The following COG5 variants were observed in gnomAD, a reference collection of about 807,000 sequenced individuals.
COG5 encodes conserved oligomeric Golgi complex subunit 5.
COG5 carries 86 observed loss-of-function variants against 110.4 expected under a neutral mutation model. The observed-to-expected ratio is 0.78, with a 90% CI of 0.65 to 0.93. The LOEUF is 0.93. Ranked by LOEUF, COG5 falls within the 40% of genes least tolerant of loss-of-function variation. The probability of loss-of-function intolerance (pLI) is 0.00; values close to 1 mark genes in which losing one functional copy is unlikely to be tolerated. For missense variants in COG5, 1,077 were observed against 987.0 expected (o/e 1.09, Z -1.22); for synonymous variants, 360 against 334.6 (o/e 1.08, Z -0.83).
chr7:107,352,802 T>A (rs1181009308), intron 10 of COG5, among the ~76,000 whole-genome samples: 1 of 152,176 alleles, frequency 6.6e-6, no homozygotes, highest in Non-Finnish European at 1.5e-5. Context: ...CCTATACACA[T>A]GATTACAAGA....
chr7:107,222,209 T>C (rs1584537670), intron 19 of COG5, among the ~76,000 whole-genome samples: 1 of 151,970 alleles, frequency 6.6e-6, no homozygotes. Context: ...CCCCCCCTTT[T>C]TTTTTTTTGA....
At chr7:107,265,703 A>G (rs1362131026) in intron 14 of COG5, among the ~76,000 whole-genome samples, 8 of 152,350 alleles carry the variant, frequency 5.3e-5, no homozygotes, top group East Asian at 1.9e-4. Context: ...ATGTAAAATT[A>G]TATGTTTAAA....
chr7:107,328,505 G>C (rs1188880553), intron 10 of COG5, among the ~76,000 whole-genome samples: 2 of 152,142 alleles, frequency 1.3e-5, no homozygotes, highest in Non-Finnish European at 2.9e-5. Flanking sequence ...TACACTAAGT[G>C]AAACAAGCCA....
chr7:107,455,240 C>T (rs1216567304), intron 6 of COG5, among the ~76,000 whole-genome samples: 4 of 151,984 alleles, frequency 2.6e-5, no homozygotes, highest in Non-Finnish European at 4.4e-5. Flanking sequence ...ACTAGAACAA[C>T]GTGTGAATGA....
rs145300007 is a variant in COG5 at position 107,382,628 on chromosome 7, G to A, written c.670-9868C>T. On this transcript the variant is annotated intron_variant, in intron 7 of 21. Transcript: ENST00000297135. ...AATTTTTTGCATTTTTAGTAAAGAC[G>A]GGGTTTCACCATGTTGGCCAGGCTT... 7.4e-4 allele frequency among the ~76,000 whole-genome samples: 112 copies of A among 152,062 alleles called. 1 individual carries two copies. Among genetic ancestry groups the A allele is most frequent in the Admixed American group, 5.0e-3 (77 of 15,266 alleles).
intron 19 of COG5, among the ~76,000 whole-genome samples, chr7:107,223,023 G>A (rs989366528): frequency 9.2e-5 from 14 of 152,270 alleles, no homozygotes; most frequent in African/African-American, 3.4e-4. Flanking sequence ...CTGCTCCTGT[G>A]TCCACATCTA....
chr7:107,433,869 G>A (rs1184885829), intron 6 of COG5, among the ~76,000 whole-genome samples: 1 of 152,096 alleles, frequency 6.6e-6, no homozygotes, highest in Non-Finnish European at 1.5e-5. Flanking sequence ...TTCACAGAGT[G>A]AAAAGGCAAC....
intron 3 of COG5, among the ~76,000 whole-genome samples, chr7:107,548,913 T>G (rs1455899355): frequency 6.6e-6 from 1 of 152,216 alleles, no homozygotes; most frequent in African/African-American, 2.4e-5. Context: ...GTACAGATAT[T>G]TAATTATTTT....
chr7:107,245,991 A>G (rs978181696), intron 17 of COG5, among the ~76,000 whole-genome samples: 1 of 152,370 alleles, frequency 6.6e-6, no homozygotes, highest in Admixed American at 6.5e-5. Flanking sequence ...TAACCAAAAC[A>G]GAATGGTACT....
At chr7:107,257,903 G>A (rs1205785621) in intron 15 of COG5, among the ~76,000 whole-genome samples, 2 of 151,930 alleles carry the variant, frequency 1.3e-5, no homozygotes, top group African/African-American at 4.8e-5. Flanking sequence ...CATGTTGGAG[G>A]GCTTCAGCAT....
At chr7:107,288,828 T>C (rs1363405825) in intron 12 of COG5, among the ~76,000 whole-genome samples, 2 of 148,578 alleles carry the variant, frequency 1.3e-5, no homozygotes, top group Admixed American at 6.8e-5. Flanking sequence ...CTTTTGTTGA[T>C]TGTGATTTTG....
At chr7:107,390,369 C>A (rs1266376817) in intron 7 of COG5, among the ~76,000 whole-genome samples, 1 of 152,146 alleles carries the variant, frequency 6.6e-6, no homozygotes, top group Non-Finnish European at 1.5e-5. Context: ...TAAAAAAATT[C>A]TTGCACGTCT....
intron 21 of COG5, chr7:107,208,778 G>A (rs1798949568): frequency 4.1e-6 from 4 of 985,370 alleles, no homozygotes; most frequent in South Asian, 4.7e-5. Flanking sequence ...AGGGCCAGTG[G>A]CTCATGTGGG....
chr7:107,391,600 G>A (rs1790630381), intron 7 of COG5, among the ~76,000 whole-genome samples: 1 of 152,154 alleles, frequency 6.6e-6, no homozygotes, highest in African/African-American at 2.4e-5. Context: ...TCTTCTAAAA[G>A]TTGTATAGTT....
intron 5 of COG5, among the ~76,000 whole-genome samples, chr7:107,540,613 T>TA (rs530416160): frequency 7.8e-4 from 106 of 135,034 alleles, no homozygotes; most frequent in Middle Eastern, 3.9e-3. Flanking sequence ...TAAAATTAAA[T>TA]AAAAAAAAAA....
chr7:107,265,941 G>C (rs1344272106), intron 14 of COG5, among the ~76,000 whole-genome samples: 1 of 152,006 alleles, frequency 6.6e-6, no homozygotes, highest in Non-Finnish European at 1.5e-5. Context: ...TATGGTCCCA[G>C]GTCCTCAGGA....
chr7:107,324,321 G>C (rs1433056966), intron 11 of COG5, 119 bp downstream of exon 11: 2 of 663,502 alleles, frequency 3.0e-6, no homozygotes, highest in African/African-American at 3.7e-5. Flanking sequence ...CAATTAGCCA[G>C]GAATTTTAAA....
At chr7:107,416,735 T>C (rs941789258) in intron 6 of COG5, among the ~76,000 whole-genome samples, 3 of 152,132 alleles carry the variant, frequency 2.0e-5, no homozygotes, top group African/African-American at 7.2e-5. Flanking sequence ...ACATGGATAA[T>C]AAGACAAATC....
chr7:107,379,659 C>T (rs961362928), intron 7 of COG5, among the ~76,000 whole-genome samples: 5 of 149,930 alleles, frequency 3.3e-5, no homozygotes, highest in Admixed American at 3.3e-4. Context: ...GACTTTAAAC[C>T]AACAAAGATA....
Sources: gnomAD v4.1 joint callset for allele counts (sites outside exome capture counted in the v4.1 genomes callset) on GRCh38, gnomAD v4.1.1 for gene constraint, MANE v1.5 for transcripts, NCBI Gene and HGNC (gene_info 2026-07-23, HGNC 2026-07-21) for gene names.